MARCHF1: variants seen among roughly 807,000 people sequenced by gnomAD.
MARCHF1 encodes membrane associated ring-CH-type finger 1.
In MARCHF1, 40 loss-of-function variants were observed where a neutral mutation model predicts 54.2. The ratio of observed to expected loss-of-function variants is 0.74; its 90% CI spans 0.57 to 0.96. MARCHF1 has a LOEUF of 0.96. Among genes scored for constraint, MARCHF1 ranks in the 40% least tolerant of loss-of-function variants. The probability of loss-of-function intolerance (pLI) is 0.00; values close to 1 mark genes in which losing one functional copy is unlikely to be tolerated. For missense variants in MARCHF1, 586 were observed against 656.5 expected (o/e 0.89, Z 1.17); for synonymous variants, 236 against 236.3 (o/e 1.00, Z 0.01).
chr4:163,918,264 T>G (rs2111354665), intron 3 of MARCHF1, among the ~76,000 whole-genome samples: 1 of 152,248 alleles, frequency 6.6e-6, no homozygotes, highest in South Asian at 2.1e-4. Flanking sequence ...TTTTGCATTT[T>G]CTTCTTTTGA....
At chr4:164,340,130 T>C (rs887286292) in intron 1 of MARCHF1, among the ~76,000 whole-genome samples, 2 of 151,996 alleles carry the variant, frequency 1.3e-5, no homozygotes, top group East Asian at 3.9e-4. Flanking sequence ...CAGGATCCGA[T>C]AGCTTCACTG....
chr4:164,268,587 T>C (rs1293850516), intron 1 of MARCHF1, among the ~76,000 whole-genome samples: 1 of 152,106 alleles, frequency 6.6e-6, no homozygotes, highest in East Asian at 1.9e-4. Context: ...CCTCTTCTGA[T>C]TTTGTCTAGC....
At chr4:164,356,781 A>AAAAAAAAAAAAAAAGC (rs1491232125) in intron 1 of MARCHF1, among the ~76,000 whole-genome samples, 3 of 100,180 alleles carry the variant, frequency 3.0e-5, no homozygotes, top group South Asian at 4.1e-4. Context: ...AAAGAAAAGC[A>AAAAAAAAAAAAAAAGC]AAAAAAAAAA....
chr4:164,327,340 G>C (rs1038427655), intron 1 of MARCHF1, among the ~76,000 whole-genome samples: 1 of 152,146 alleles, frequency 6.6e-6, no homozygotes, highest in African/African-American at 2.4e-5. Context: ...GAGTCTTAAA[G>C]AATGGAGGAA....
intron 1 of MARCHF1, among the ~76,000 whole-genome samples, chr4:164,365,106 C>T (rs977184432): frequency 3.3e-5 from 5 of 151,852 alleles, no homozygotes; most frequent in Non-Finnish European, 4.4e-5. Flanking sequence ...TTCCCTGCCA[C>T]GAATAGAGTA....
chr4:163,907,031 A>G (rs1751085997), intron 3 of MARCHF1, among the ~76,000 whole-genome samples: 1 of 152,062 alleles, frequency 6.6e-6, no homozygotes, highest in Non-Finnish European at 1.5e-5. Flanking sequence ...CTTAGTGTCA[A>G]AAATGATGGT....
intron 2 of MARCHF1, among the ~76,000 whole-genome samples, chr4:164,098,739 T>G (rs974951297): frequency 2.0e-5 from 3 of 152,222 alleles, no homozygotes; most frequent in African/African-American, 7.2e-5. Flanking sequence ...GAATGTGATG[T>G]GAAAATTATT....
intron 1 of MARCHF1, among the ~76,000 whole-genome samples, chr4:164,142,195 C>G (rs942216897): frequency 6.6e-6 from 1 of 152,208 alleles, no homozygotes; most frequent in African/African-American, 2.4e-5. Flanking sequence ...TCGCTGATTG[C>G]TAGCACAGCA....
In MARCHF1 at chr4:163,935,323, C is replaced by T. The variant is rs1355648602; in HGVS notation, c.-39+53178G>A. Among the ~76,000 whole-genome samples, 3 of 152,134 alleles carry T rather than the reference C, an allele frequency of 2.0e-5. No individual in the cohort carries two copies. The East Asian group carries it at 5.8e-4, about 29-fold the overall frequency. ...CTTATCTTCCCTAGCTATGAAAGAC[C>T]TAGGTGGTAACATCTTCCAATAAAA... On this transcript the variant is annotated intron_variant, in intron 3 of 9. Coordinates refer to ENST00000514618, the MANE Select transcript of MARCHF1 (RefSeq NM_001394959.1).
At chr4:163,755,490 T>G (rs1746638529) in intron 4 of MARCHF1, among the ~76,000 whole-genome samples, 1 of 152,220 alleles carries the variant, frequency 6.6e-6, no homozygotes, top group African/African-American at 2.4e-5. Context: ...CCAGGGCTCT[T>G]AGTTTTCTCT....
intron 2 of MARCHF1, among the ~76,000 whole-genome samples, chr4:164,081,116 G>A (rs1014534801): frequency 2.1e-5 from 3 of 142,044 alleles, no homozygotes; most frequent in Non-Finnish European, 4.5e-5. Flanking sequence ...GCTGAGGCAG[G>A]AGAATGGCGT....
chr4:163,720,104 C>T (rs1411698986), intron 4 of MARCHF1, among the ~76,000 whole-genome samples: 5 of 152,158 alleles, frequency 3.3e-5, no homozygotes, highest in South Asian at 2.1e-4. Context: ...TCCTTGCCCA[C>T]GCCTATGTCC....
chr4:163,978,483 T>C (rs1752692322), intron 3 of MARCHF1, among the ~76,000 whole-genome samples: 1 of 152,184 alleles, frequency 6.6e-6, no homozygotes, highest in South Asian at 2.1e-4. Flanking sequence ...TGAAGTCTCA[T>C]AACTTTATGA....
At chr4:163,694,605 T>C (rs564064641) in intron 5 of MARCHF1, among the ~76,000 whole-genome samples, 1 of 152,236 alleles carries the variant, frequency 6.6e-6, no homozygotes, top group African/African-American at 2.4e-5. Context: ...AATATTCTCA[T>C]AGTGAGTCAT....
At chr4:163,838,633 G>T (rs1364653108) in intron 4 of MARCHF1, among the ~76,000 whole-genome samples, 3 of 152,042 alleles carry the variant, frequency 2.0e-5, no homozygotes, top group African/African-American at 7.2e-5. Context: ...AAATGTACAA[G>T]GGCCAAGATA....
intron 7 of MARCHF1, among the ~76,000 whole-genome samples, chr4:163,607,454 G>T (rs1284595710): frequency 6.6e-6 from 1 of 152,080 alleles, no homozygotes; most frequent in Non-Finnish European, 1.5e-5. Flanking sequence ...CTCACTGATA[G>T]AAATGGAAGT....
At chr4:163,777,607 A>G (rs1747341361) in intron 4 of MARCHF1, among the ~76,000 whole-genome samples, 2 of 152,150 alleles carry the variant, frequency 1.3e-5, no homozygotes. Context: ...TGGGAATTAC[A>G]TGCTTATTTG....
intron 9 of MARCHF1, among the ~76,000 whole-genome samples, chr4:163,544,740 T>C (rs1387436925): frequency 2.0e-5 from 3 of 152,236 alleles, no homozygotes; most frequent in Admixed American, 6.5e-5. Flanking sequence ...TCTTCCATTT[T>C]TTCTCTGGGT....
intron 1 of MARCHF1, among the ~76,000 whole-genome samples, chr4:164,147,236 T>C (rs1255444776): frequency 2.7e-5 from 4 of 148,764 alleles, no homozygotes; most frequent in Admixed American, 2.0e-4. Flanking sequence ...GACTGTAAAC[T>C]AGTTCAACCA....
Sources: gnomAD v4.1 joint callset for allele counts (sites outside exome capture counted in the v4.1 genomes callset) on GRCh38, gnomAD v4.1.1 for gene constraint, MANE v1.5 for transcripts, NCBI Gene and HGNC (gene_info 2026-07-23, HGNC 2026-07-21) for gene names.